USP34: variants seen among roughly 807,000 people sequenced by gnomAD.
USP34 encodes the protein ubiquitin specific peptidase 34.
Under a neutral mutation model 460.3 loss-of-function variants are expected in USP34, and 70 were observed. That is an observed-to-expected ratio of 0.15 (90% CI 0.13 to 0.19). USP34 has a LOEUF of 0.19. Ranked by LOEUF, USP34 falls within the 10% of genes least tolerant of loss-of-function variation. USP34 has a pLI of 1.00. For synonymous variants in USP34, 1,647 were observed against 1,405.3 expected (o/e 1.17, Z -3.85); for missense variants, 3,985 against 4,236.2 (o/e 0.94, Z 1.65).
chr2:61,204,353 C>T lies in USP34; in HGVS notation c.9287G>A (p.Arg3096Gln), dbSNP rs188105570. 947 of 1,614,000 alleles carry T rather than the reference C, an allele frequency of 5.9e-4. No individual in the cohort carries two copies. The highest frequency in any genetic ancestry group is 1.5e-3 in the South Asian group (134 of 91,076). ...CCCTCCTATTAGCTTGATATTTTCT[C>T]GACAAGGGAAATAAGGTCCAAGAGA... ...PMSLGPYFPCRENIKLIGGKS... is the reference protein window; with the variant it reads ...PMSLGPYFPCQENIKLIGGKS... Residue 3096 changes from arginine (R) to glutamine (Q), a missense_variant, in exon 74 of 80, where the codon CGA (arginine) becomes CAA (glutamine). Physicochemically the swap from Arg to Gln is conservative, Grantham distance 43. Coordinates refer to ENST00000398571, the MANE Select transcript of USP34 (RefSeq NM_014709.4).
At chr2:61,300,871 TA>T in intron 29 of USP34, 79 bp downstream of exon 29, 2 of 961,670 alleles carry the variant, frequency 2.1e-6, no homozygotes, top group Non-Finnish European at 3.0e-6. Context: ...TAACGTTTTA[TA>T]AACTATACTT....
intron 57 of USP34, among the ~76,000 whole-genome samples, chr2:61,233,000 C>T (rs527441012): frequency 1.3e-5 from 2 of 150,824 alleles, no homozygotes; most frequent in South Asian, 2.1e-4. Context: ...GCTGGGATTA[C>T]AGGCACGCAC....
At chr2:61,195,950 A>G (rs1255096144) in intron 75 of USP34, among the ~76,000 whole-genome samples, 1 of 150,462 alleles carries the variant, frequency 6.6e-6, no homozygotes, top group African/African-American at 2.5e-5. Context: ...CTTATCACCC[A>G]CGCTGGAGGA....
At chr2:61,247,897 G>A (rs967459903) in intron 49 of USP34, among the ~76,000 whole-genome samples, 2 of 152,030 alleles carry the variant, frequency 1.3e-5, no homozygotes, top group East Asian at 3.9e-4. Flanking sequence ...AAGGATAAAC[G>A]AGCAAGAGGC....
intron 1 of USP34, among the ~76,000 whole-genome samples, chr2:61,443,005 G>A (rs1695009093): frequency 6.6e-6 from 1 of 151,792 alleles, no homozygotes; most frequent in African/African-American, 2.4e-5. Context: ...GGAACTGGAG[G>A]ACATTATCTT....
intron 39 of USP34, among the ~76,000 whole-genome samples, chr2:61,278,736 A>C (rs1689446953): frequency 6.6e-6 from 1 of 152,156 alleles, no homozygotes; most frequent in African/African-American, 2.4e-5. Context: ...ATACATATGT[A>C]ACAAACCTTC....
At chr2:61,321,298 C>G (rs1476266754) in intron 21 of USP34, among the ~76,000 whole-genome samples, 2 of 152,096 alleles carry the variant, frequency 1.3e-5, no homozygotes, top group Middle Eastern at 3.2e-3. Flanking sequence ...TGGTGAAACC[C>G]TGTCTCTACT....
At chr2:61,444,179 C>T (rs1695046046) in intron 1 of USP34, among the ~76,000 whole-genome samples, 1 of 152,028 alleles carries the variant, frequency 6.6e-6, no homozygotes, top group African/African-American at 2.4e-5. Context: ...CACTTGGGCC[C>T]AGAAGGTCAA....
In USP34 at chr2:61,188,613, C is replaced by G. The variant is rs926931272; in HGVS notation, c.10130G>C (p.Arg3377Thr). 57 of 1,614,064 alleles carry G rather than the reference C, an allele frequency of 3.5e-5. No homozygotes were observed. Among genetic ancestry groups the G allele is most frequent in the Non-Finnish European group, 4.2e-5 (50 of 1,180,048 alleles). The change falls in exon 80 of 80, where the codon AGG becomes ACG. Residue 3377 changes from arginine to threonine, a missense_variant. Around this residue, in one of 14 missense-constraint regions of USP34, gnomAD observed 506 missense variants for 439.0 expected, o/e 1.15. Transcript: ENST00000398571. The part of the protein sequence containing the change: ...SCISDMKTET[R>T]EVLTPTSTSD... ...AGTGCTCGTTGGGGTCAGGACCTCC[C>G]TGGTTTCTGTTTTCATGTCACTGAT...
At chr2:61,305,867 GAAC>G (rs561926109) in intron 27 of USP34, among the ~76,000 whole-genome samples, 1 of 151,954 alleles carries the variant, frequency 6.6e-6, no homozygotes, top group Non-Finnish European at 1.5e-5. Context: ...AATAATAACA[GAAC>G]AACAATTTTA....
rs1374010086 is a variant in USP34 at position 61,187,821 on chromosome 2, G to T, written c.*281C>A. The stretch of plus-strand genomic sequence containing the variant: ...ACATTGTACAGGGCTAGGCAACCCT[G>T]TTCTTCCCAGACAGCCATATTAAAT... On this transcript the variant is annotated 3_prime_UTR_variant, in exon 80 of 80. Coordinates refer to ENST00000398571, the MANE Select transcript of USP34 (RefSeq NM_014709.4). 2 of 1,097,282 alleles carry T rather than the reference G, an allele frequency of 1.8e-6. No individual in the cohort carries two copies. The highest frequency in any genetic ancestry group is 4.2e-5 in the Admixed American group (1 of 23,746). The allele number at this position is 1,097,282 out of a possible 1,614,324, so 68.0% of individuals were successfully genotyped here. A position where few individuals can be genotyped will look rare whatever the true frequency, so the allele number is the denominator to read the frequency against.
intron 53 of USP34, among the ~76,000 whole-genome samples, chr2:61,240,581 T>TC (rs1421401181): frequency 1.4e-5 from 2 of 144,878 alleles, no homozygotes; most frequent in African/African-American, 5.1e-5. Flanking sequence ...CCCAGCCCAT[T>TC]TTTTTTTTTT....
At chr2:61,331,191 G>GA in intron 20 of USP34, 85 bp downstream of exon 20, 3 of 1,169,268 alleles carry the variant, frequency 2.6e-6, no homozygotes, top group Non-Finnish European at 3.6e-6. Flanking sequence ...CTTATTATAT[G>GA]AAAAAAAGTT....
At chr2:61,387,771 T>C (rs1416092018) in intron 5 of USP34, among the ~76,000 whole-genome samples, 2 of 148,208 alleles carry the variant, frequency 1.3e-5, no homozygotes, top group Admixed American at 1.4e-4. Flanking sequence ...ATGTAAAATA[T>C]ATTTTTACGT....
chr2:61,281,021 T>TAC, intron 38 of USP34, 69 bp downstream of exon 38: 1 of 1,507,744 alleles, frequency 6.6e-7, no homozygotes, highest in Non-Finnish European at 9.0e-7. Flanking sequence ...AAGGATATAT[T>TAC]ACAACGGTAA....
At chr2:61,329,385 G>A (rs1234102209) in intron 20 of USP34, among the ~76,000 whole-genome samples, 3 of 152,010 alleles carry the variant, frequency 2.0e-5, no homozygotes, top group Non-Finnish European at 2.9e-5. Flanking sequence ...CACCATTATC[G>A]TCAAACTCTG....
At chr2:61,301,188 G>A (rs1195172084) in intron 28 of USP34, 28 bp from the exon 29 acceptor site, 21 of 1,571,020 alleles carry the variant, frequency 1.3e-5, no homozygotes, top group African/African-American at 2.8e-5. Context: ...AAAAATTTAT[G>A]CATATCAAGC....
intron 18 of USP34, 83 bp downstream of exon 18, chr2:61,339,268 A>C: frequency 2.9e-6 from 4 of 1,374,722 alleles, no homozygotes; most frequent in Non-Finnish European, 4.0e-6. Context: ...CAGTATAAAA[A>C]CATCACACCT....
intron 1 of USP34, among the ~76,000 whole-genome samples, chr2:61,445,220 AC>A (rs1258511302): frequency 1.0e-5 from 1 of 99,646 alleles, no homozygotes; most frequent in African/African-American, 4.0e-5. Flanking sequence ...GCAGAACCAC[AC>A]TAAAAAAAAA....
Sources: allele counts gnomAD v4.1 joint callset (sites outside exome capture counted in the v4.1 genomes callset), GRCh38; gene constraint gnomAD v4.1.1; regional missense constraint gnomAD v4.1.1; transcripts MANE v1.5; gene names NCBI Gene and HGNC (gene_info 2026-07-23, HGNC 2026-07-21).